The following CLSTN2 variants were observed in gnomAD, a reference collection of about 807,000 sequenced individuals.
The protein encoded by CLSTN2 is calsyntenin-2.
In CLSTN2, 48 loss-of-function variants were observed where a neutral mutation model predicts 101.2. That is an observed-to-expected ratio of 0.47 (90% CI 0.38 to 0.60). The LOEUF (loss-of-function observed/expected upper bound fraction) is 0.60, where lower values mean the gene tolerates loss of function less well. Ranked by LOEUF, CLSTN2 falls within the 20% of genes least tolerant of loss-of-function variation. The pLI, the probability that CLSTN2 is intolerant of heterozygous loss-of-function variation, is 0.00. For missense variants in CLSTN2, 1,160 were observed against 1,238.2 expected (o/e 0.94, Z 0.95); for synonymous variants, 481 against 463.6 (o/e 1.04, Z -0.48).
intron 1 of CLSTN2, among the ~76,000 whole-genome samples, chr3:139,941,641 T>C (rs1013609747): frequency 3.9e-5 from 6 of 152,054 alleles, no homozygotes; most frequent in Non-Finnish European, 8.8e-5. Context: ...GAAAGACTTA[T>C]GGAGAAAGTA....
At chr3:140,124,543 C>T (rs933675088) in intron 1 of CLSTN2, among the ~76,000 whole-genome samples, 1 of 152,112 alleles carries the variant, frequency 6.6e-6, no homozygotes, top group Non-Finnish European at 1.5e-5. Context: ...ATGAGATTTG[C>T]AGGCAATGTT....
chr3:140,087,523 A>G (rs2008700760), intron 1 of CLSTN2, among the ~76,000 whole-genome samples: 1 of 152,130 alleles, frequency 6.6e-6, no homozygotes, highest in African/African-American at 2.4e-5. Context: ...TCTGCTATTC[A>G]TCTGTCCACT....
At chr3:140,365,886 C>T (rs975433674) in intron 2 of CLSTN2, among the ~76,000 whole-genome samples, 9 of 152,200 alleles carry the variant, frequency 5.9e-5, no homozygotes, top group Non-Finnish European at 1.3e-4. Context: ...CAACCCCACA[C>T]CCTGAGCTTG....
intron 2 of CLSTN2, among the ~76,000 whole-genome samples, chr3:140,395,322 G>A (rs1048925594): frequency 1.3e-4 from 20 of 152,104 alleles, no homozygotes; most frequent in Non-Finnish European, 2.6e-4. Context: ...AGGCCAGAAG[G>A]CAGGATTTAT....
intron 1 of CLSTN2, among the ~76,000 whole-genome samples, chr3:139,952,843 G>A (rs1004422273): frequency 5.8e-4 from 88 of 152,250 alleles, no homozygotes; most frequent in Non-Finnish European, 7.5e-4. Flanking sequence ...TATTCTCAGG[G>A]AGCCCCAGGA....
intron 2 of CLSTN2, among the ~76,000 whole-genome samples, chr3:140,326,102 G>A (rs1280094388): frequency 6.6e-6 from 1 of 152,066 alleles, no homozygotes; most frequent in Non-Finnish European, 1.5e-5. Context: ...ATAAGTACTG[G>A]GTGTGTCAGA....
intron 1 of CLSTN2, among the ~76,000 whole-genome samples, chr3:139,993,541 C>A (rs1419901039): frequency 6.6e-6 from 1 of 152,152 alleles, no homozygotes; most frequent in Non-Finnish European, 1.5e-5. Context: ...TCACCTTGAT[C>A]CCCAGTGTGC....
chr3:140,552,781 C>T (rs886690057), intron 10 of CLSTN2, among the ~76,000 whole-genome samples: 2 of 152,178 alleles, frequency 1.3e-5, no homozygotes, highest in African/African-American at 4.8e-5. Context: ...GTAGCCCCTG[C>T]CCTTGAGGTG....
At chr3:140,168,860 C>A (rs1396861057) in intron 1 of CLSTN2, among the ~76,000 whole-genome samples, 1 of 152,042 alleles carries the variant, frequency 6.6e-6, no homozygotes, top group Admixed American at 6.6e-5. Context: ...ATACATCTAT[C>A]TTTATATTAA....
chr3:139,969,745 C>T (rs1935662446), intron 1 of CLSTN2, among the ~76,000 whole-genome samples: 1 of 152,166 alleles, frequency 6.6e-6, no homozygotes, highest in South Asian at 2.1e-4. Context: ...TGGAGGAGGA[C>T]CTGTGCCTCC....
intron 1 of CLSTN2, among the ~76,000 whole-genome samples, chr3:140,029,686 T>C (rs1007709814): frequency 4.6e-5 from 7 of 152,376 alleles, no homozygotes; most frequent in Admixed American, 2.6e-4. Flanking sequence ...GAAATGCTTA[T>C]ACAGCAGGTG....
At chr3:140,255,583 A>G (rs1421209505) in intron 2 of CLSTN2, among the ~76,000 whole-genome samples, 1 of 152,196 alleles carries the variant, frequency 6.6e-6, no homozygotes, top group East Asian at 1.9e-4. Context: ...GAAGGCAGCA[A>G]TAGACACTGG....
intron 1 of CLSTN2, among the ~76,000 whole-genome samples, chr3:140,153,129 T>C (rs2009893507): frequency 6.6e-6 from 1 of 152,152 alleles, no homozygotes. Context: ...GGTTTTGACT[T>C]CCACTGTTGA....
intron 8 of CLSTN2, among the ~76,000 whole-genome samples, chr3:140,468,964 G>A (rs1017255200): frequency 1.3e-5 from 2 of 152,126 alleles, no homozygotes; most frequent in Non-Finnish European, 2.9e-5. Flanking sequence ...ACAGTTAAAG[G>A]TGGTAGGAAG....
At chr3:140,106,404 C>T (rs2009059062) in intron 1 of CLSTN2, among the ~76,000 whole-genome samples, 1 of 152,200 alleles carries the variant, frequency 6.6e-6, no homozygotes. Flanking sequence ...TGAACCTGAA[C>T]CATGCAGGCC....
rs1222193006 is a variant in CLSTN2 at position 140,568,753 on chromosome 3, T to G, written c.*2500T>G. 3 of 152,162 alleles carry G rather than the reference T, an allele frequency of 2.0e-5. No homozygotes were observed. The highest frequency in any genetic ancestry group is 4.4e-5 in the Non-Finnish European group (3 of 68,036). 9.4% of individuals were successfully genotyped at this position (152,162 alleles called of 1,614,324 possible). On this transcript the variant is annotated 3_prime_UTR_variant, in exon 17 of 17. Transcript: ENST00000458420. ...TTTCGATCTGGTTGGGTAGGGAAGG[T>G]GTTCCTCATGCTCTCTGGGTGGCTG... is the stretch of plus-strand genomic sequence containing the variant.
At chr3:140,169,367 C>G (rs1333267771) in intron 1 of CLSTN2, among the ~76,000 whole-genome samples, 4 of 151,948 alleles carry the variant, frequency 2.6e-5, no homozygotes, top group African/African-American at 9.7e-5. Flanking sequence ...CTTATTAGTT[C>G]TAAGCATGTT....
rs1412369899 is a variant in CLSTN2, at chr3:140,458,039, A to G, written c.974-1482A>G. 3.3e-5 allele frequency among the ~76,000 whole-genome samples: 5 copies of G among 152,220 alleles called. No homozygotes were observed. The East Asian group carries it at 7.7e-4, about 23-fold the overall frequency. The stretch of plus-strand genomic sequence containing the variant: ...AACCTTCTATTGCTACCCAATGGAT[A>G]TAGACCTGATGATCTCCTCCACAGA... On this transcript the variant is annotated intron_variant, in intron 6 of 16. Transcript: ENST00000458420.
intron 1 of CLSTN2, among the ~76,000 whole-genome samples, chr3:140,073,859 T>C (rs1275520708): frequency 6.6e-6 from 1 of 152,230 alleles, no homozygotes; most frequent in East Asian, 1.9e-4. Context: ...CTTGCTCTTG[T>C]TTTCCATTTC....
Sources: gnomAD v4.1 joint callset for allele counts (sites outside exome capture counted in the v4.1 genomes callset) on GRCh38, gnomAD v4.1.1 for gene constraint, MANE v1.5 for transcripts, NCBI Gene and HGNC (gene_info 2026-07-23, HGNC 2026-07-21) for gene names.